Variants in UVRAG observed in about 807,000 individuals in gnomAD.
The protein encoded by UVRAG is UV radiation resistance-associated gene protein.
In UVRAG, 19 loss-of-function variants were observed where a neutral mutation model predicts 78.0. The observed-to-expected ratio is 0.24, with a 90% CI of 0.17 to 0.36. The LOEUF (loss-of-function observed/expected upper bound fraction) is 0.36. UVRAG is among the 10% of genes least tolerant of loss of function. UVRAG has a pLI of 1.00. For missense variants in UVRAG, 740 were observed against 853.8 expected (o/e 0.87, Z 1.66); for synonymous variants, 323 against 324.6 (o/e 1.00, Z 0.05).
At chr11:75,877,957 G>T (rs1257452661) in intron 3 of UVRAG, among the ~76,000 whole-genome samples, 2 of 150,902 alleles carry the variant, frequency 1.3e-5, no homozygotes, top group African/African-American at 4.9e-5. Context: ...GGCCTGGTGG[G>T]GGCTGACCCC....
chr11:76,058,276 A>G (rs917738675), intron 12 of UVRAG, among the ~76,000 whole-genome samples: 3 of 152,114 alleles, frequency 2.0e-5, no homozygotes, highest in African/African-American at 2.4e-5. Context: ...CATGCCTGTA[A>G]TCTTAACACT....
chr11:76,086,635 T>C (rs1326750708), intron 13 of UVRAG, among the ~76,000 whole-genome samples: 2 of 152,206 alleles, frequency 1.3e-5, no homozygotes, highest in Non-Finnish European at 2.9e-5. Flanking sequence ...TCAGCTAATA[T>C]AAAGTAATAT....
At chr11:75,990,143 A>G (rs1949577560) in intron 8 of UVRAG, among the ~76,000 whole-genome samples, 1 of 152,230 alleles carries the variant, frequency 6.6e-6, no homozygotes, top group African/African-American at 2.4e-5. Flanking sequence ...AGTTTACATT[A>G]CAAAGAATAA....
chr11:75,908,211 T>C (rs1947659218), intron 5 of UVRAG, among the ~76,000 whole-genome samples: 1 of 152,230 alleles, frequency 6.6e-6, no homozygotes. Context: ...CTTAATATAA[T>C]GTCCTCAAGC....
chr11:75,992,849 C>T (rs575800290), intron 8 of UVRAG, among the ~76,000 whole-genome samples: 2 of 152,138 alleles, frequency 1.3e-5, no homozygotes, highest in South Asian at 2.1e-4. Flanking sequence ...ATTTGCTCAA[C>T]GAAGGTGAAA....
intron 12 of UVRAG, among the ~76,000 whole-genome samples, chr11:76,037,209 A>G (rs1950550076): frequency 6.6e-6 from 1 of 152,186 alleles, no homozygotes; most frequent in Admixed American, 6.5e-5. Flanking sequence ...CTTTTGTATG[A>G]AAGACATACA....
At chr11:76,075,567 A>C (rs1222695551) in intron 13 of UVRAG, among the ~76,000 whole-genome samples, 1 of 151,920 alleles carries the variant, frequency 6.6e-6, no homozygotes, top group Non-Finnish European at 1.5e-5. Flanking sequence ...TGCATGAGCC[A>C]TGCCACTGCA....
chr11:75,895,481 C>G (rs1052248151), intron 5 of UVRAG, among the ~76,000 whole-genome samples: 1 of 152,194 alleles, frequency 6.6e-6, no homozygotes, highest in Admixed American at 6.5e-5. Context: ...TTGGACACTA[C>G]CTAATACACT....
intron 12 of UVRAG, among the ~76,000 whole-genome samples, chr11:76,042,029 A>G (rs944719006): frequency 2.3e-4 from 35 of 152,228 alleles, no homozygotes; most frequent in Admixed American, 5.2e-4. Context: ...AGAATCTAGT[A>G]AAACGGTTTC....
chr11:75,959,811 A>G (rs955003723), intron 6 of UVRAG, among the ~76,000 whole-genome samples: 3 of 152,196 alleles, frequency 2.0e-5, no homozygotes, highest in Non-Finnish European at 4.4e-5. Context: ...AGTGAGAGAC[A>G]TAGGACTATT....
At chr11:75,827,568 G>T (rs1590903440) in intron 1 of UVRAG, among the ~76,000 whole-genome samples, 1 of 152,230 alleles carries the variant, frequency 6.6e-6, no homozygotes, top group African/African-American at 2.4e-5. Context: ...CCGAGATCAC[G>T]CCACTGCACT....
At chr11:76,057,238 A>G (rs1275844442) in intron 12 of UVRAG, among the ~76,000 whole-genome samples, 3 of 152,184 alleles carry the variant, frequency 2.0e-5, no homozygotes, top group Admixed American at 6.5e-5. Flanking sequence ...TCAGTTGGCT[A>G]TGGGAAAGAG....
intron 12 of UVRAG, among the ~76,000 whole-genome samples, chr11:76,056,980 A>G (rs1195636102): frequency 6.6e-6 from 1 of 152,226 alleles, no homozygotes; most frequent in Non-Finnish European, 1.5e-5. Context: ...TAAAAAACAG[A>G]GAATAGCAAG....
chr11:76,054,505 T>C (rs58623526), intron 12 of UVRAG, among the ~76,000 whole-genome samples: 16,607 of 152,202 alleles, frequency 0.11, 2,155 homozygotes, highest in African/African-American at 0.31. Context: ...GGACCCTGCA[T>C]GATGTAAACC....
intron 6 of UVRAG, among the ~76,000 whole-genome samples, chr11:75,942,617 TA>T (rs1175749244): frequency 2.0e-5 from 3 of 152,192 alleles, no homozygotes; most frequent in East Asian, 3.9e-4. Flanking sequence ...CCTGAGTAGT[TA>T]AAAAATACTA....
intron 3 of UVRAG, among the ~76,000 whole-genome samples, chr11:75,866,074 T>C (rs181248966): frequency 9.9e-5 from 15 of 151,928 alleles, no homozygotes; most frequent in African/African-American, 3.6e-4. Context: ...CTGGGCAACA[T>C]GGCAAAACCC....
chr11:76,001,627 C>A (rs375521265), intron 8 of UVRAG, among the ~76,000 whole-genome samples: 33 of 152,162 alleles, frequency 2.2e-4, no homozygotes, highest in African/African-American at 7.5e-4. Context: ...CACTACAGAT[C>A]CTACAGAAAT....
At chr11:75,978,130 C>G (rs1288558655) in intron 7 of UVRAG, among the ~76,000 whole-genome samples, 1 of 152,104 alleles carries the variant, frequency 6.6e-6, no homozygotes, top group Non-Finnish European at 1.5e-5. Flanking sequence ...ACTTATGAAG[C>G]TTAGTTTGGC....
Position 76,092,524 on chromosome 11 carries a change from G to A in UVRAG, c.1306-23400G>A, listed in dbSNP as rs185183430. On this transcript the variant is annotated intron_variant, in intron 13 of 14. Transcript: ENST00000356136. The stretch of plus-strand genomic sequence containing the variant: ...GTTGTTTCCTGACTTTTTAATGATC[G>A]CCATTCTAATTGGCGTGAGATGGTA... Among the ~76,000 whole-genome samples, 464 of 152,198 alleles carry A rather than the reference G, an allele frequency of 3.0e-3. 6 individuals carry two copies. The highest frequency in any genetic ancestry group is 0.01 in the African/African-American group (435 of 41,524).
Sources: allele counts gnomAD v4.1 joint callset (sites outside exome capture counted in the v4.1 genomes callset), GRCh38; gene constraint gnomAD v4.1.1; transcripts MANE v1.5; gene names NCBI Gene and HGNC (gene_info 2026-07-23, HGNC 2026-07-21).